The following KIF9 variants were observed in gnomAD, a reference collection of about 807,000 sequenced individuals.
KIF9 encodes kinesin-like protein KIF9.
A neutral mutation model predicts 94.8 loss-of-function variants in KIF9; 68 were observed. That is an observed-to-expected ratio of 0.72 (90% CI 0.59 to 0.88). The LOEUF (loss-of-function observed/expected upper bound fraction) is 0.88. Ranked by LOEUF, KIF9 falls within the 40% of genes least tolerant of loss-of-function variation. The probability of loss-of-function intolerance (pLI) is 0.00; values close to 1 mark genes in which losing one functional copy is unlikely to be tolerated. For synonymous variants in KIF9, 343 were observed against 362.1 expected (o/e 0.95, Z 0.60); for missense variants, 882 against 982.5 (o/e 0.90, Z 1.37).
intron 9 of KIF9, among the ~76,000 whole-genome samples, chr3:47,262,542 G>A (rs923702700): frequency 6.6e-6 from 1 of 152,200 alleles, no homozygotes; most frequent in South Asian, 2.1e-4. Flanking sequence ...CAAAGTGCTC[G>A]GATTACAGGC....
intron 17 of KIF9, 69 bp downstream of exon 17, chr3:47,240,732 G>C: frequency 1.5e-6 from 2 of 1,329,206 alleles, no homozygotes; most frequent in Non-Finnish European, 2.2e-6. Context: ...AGTGCCAAGG[G>C]CTGTTCTGCT....
intron 9 of KIF9, among the ~76,000 whole-genome samples, chr3:47,262,415 G>A (rs182421374): frequency 1.6e-4 from 25 of 151,626 alleles, no homozygotes; most frequent in Admixed American, 3.3e-4. Context: ...GATTACAGGC[G>A]CCCGCCACCA....
intron 1 of KIF9, among the ~76,000 whole-genome samples, chr3:47,281,417 G>T (rs1702340603): frequency 6.6e-6 from 1 of 152,040 alleles, no homozygotes; most frequent in Non-Finnish European, 1.5e-5. Flanking sequence ...AAACAATCTC[G>T]GTTCACCGTA....
chr3:47,236,276 C>A, intron 18 of KIF9, 127 bp from the exon 19 acceptor site: 1 of 991,918 alleles, frequency 1.0e-6, no homozygotes, highest in South Asian at 1.5e-5. Context: ...CTGTCCCCAT[C>A]TCCATCTCTG....
At chr3:47,265,476 G>A (rs1487372294) in intron 8 of KIF9, among the ~76,000 whole-genome samples, 1 of 152,202 alleles carries the variant, frequency 6.6e-6, no homozygotes, top group Non-Finnish European at 1.5e-5. Flanking sequence ...CTCAGGACAA[G>A]AGGAAAAGAG....
Position 47,236,164 on chromosome 3 carries a change from G to A in KIF9, c.2102-15C>T. 1.9e-6 allele frequency: 3 copies of A among 1,591,138 alleles called. No homozygotes were observed. The highest frequency in any genetic ancestry group is 1.7e-6 in the Non-Finnish European group (2 of 1,159,144). ...GATGTCAAATTCTACAAGGAGGTGA[G>A]GAGACAGAACTTGAGGAAGCCGGTA... On this transcript the variant is annotated splice_polypyrimidine_tract_variant and intron_variant, in intron 18 of 20. Coordinates refer to ENST00000684063, the MANE Select transcript of KIF9 (RefSeq NM_182902.4).
intron 10 of KIF9, among the ~76,000 whole-genome samples, chr3:47,253,104 C>G (rs1251568592): frequency 6.6e-6 from 1 of 152,098 alleles, no homozygotes; most frequent in Non-Finnish European, 1.5e-5. Flanking sequence ...GGGCAAACCG[C>G]CCCAAAATGT....
intron 4 of KIF9, 60 bp downstream of exon 4, chr3:47,273,492 A>T: frequency 7.4e-7 from 1 of 1,344,228 alleles, no homozygotes; most frequent in Non-Finnish European, 1.0e-6. Flanking sequence ...CAGGGTCAGT[A>T]ACATCTATGG....
intron 20 of KIF9, 99 bp downstream of exon 20, chr3:47,235,414 T>C (rs1698944636): frequency 1.2e-6 from 1 of 834,754 alleles, no homozygotes; most frequent in Non-Finnish European, 2.0e-6. Context: ...CTTGGAATGG[T>C]GCCATTCCTC....
chr3:47,280,297 A>T (rs1469410149), intron 1 of KIF9, among the ~76,000 whole-genome samples: 1 of 152,178 alleles, frequency 6.6e-6, no homozygotes, highest in Non-Finnish European at 1.5e-5. Context: ...GGAAATTCAG[A>T]TGCCATCCAG....
chr3:47,267,864 G>T (rs1185984632), intron 5 of KIF9, among the ~76,000 whole-genome samples: 2 of 142,148 alleles, frequency 1.4e-5, no homozygotes, highest in Admixed American at 6.9e-5. Context: ...TATTTATTTT[G>T]TGTTCTCCTT....
intron 8 of KIF9, among the ~76,000 whole-genome samples, chr3:47,265,254 T>C (rs1701218740): frequency 6.6e-6 from 1 of 152,050 alleles, no homozygotes; most frequent in Non-Finnish European, 1.5e-5. Flanking sequence ...GAGGGAGGTA[T>C]GAGTTGGAGC....
intron 1 of KIF9, among the ~76,000 whole-genome samples, chr3:47,279,224 G>C (rs1702168755): frequency 6.7e-6 from 1 of 148,326 alleles, no homozygotes; most frequent in South Asian, 2.1e-4. Flanking sequence ...TGTAATCCCA[G>C]CACTTTGGGA....
intron 2 of KIF9, among the ~76,000 whole-genome samples, 189 bp from the exon 3 acceptor site, chr3:47,275,679 G>T (rs1353285198): frequency 1.3e-5 from 2 of 152,316 alleles, no homozygotes; most frequent in Non-Finnish European, 2.9e-5. Context: ...TTCCTGCAGG[G>T]AGATGGAAAG....
rs2107232817 is a variant in KIF9, at chr3:47,246,400, G to A, written c.1234-148C>T. 6.4e-6 allele frequency: 3 copies of A among 465,402 alleles called. No individual in the cohort carries two copies. In the South Asian group the frequency reaches 1.8e-4, roughly 27 times the overall value. The allele number at this position is 465,402 out of a possible 1,614,324, so 28.8% of individuals were successfully genotyped here. A position where few individuals can be genotyped will look rare whatever the true frequency, so the allele number is the denominator to read the frequency against. On this transcript the variant is annotated intron_variant, in intron 12 of 20. Transcript: ENST00000684063. ...GGACGTGTGCACACAGCCTCTCAGC[G>A]AAGTGGCAGCCAAGCCCTCCTCCAG...
chr3:47,276,697 G>T (rs1043873721), intron 2 of KIF9, among the ~76,000 whole-genome samples: 1 of 152,122 alleles, frequency 6.6e-6, no homozygotes, highest in Non-Finnish European at 1.5e-5. Context: ...TTTTCTGACC[G>T]CTAGGACCTG....
At chr3:47,247,900 C>T in intron 11 of KIF9, 118 bp downstream of exon 11, 1 of 808,962 alleles carries the variant, frequency 1.2e-6, no homozygotes, top group Non-Finnish European at 2.1e-6. Context: ...TGAGCCTGCC[C>T]CCCAACCCCG....
At chr3:47,273,882 C>A (rs1265436885) in intron 3 of KIF9, among the ~76,000 whole-genome samples, 1 of 152,222 alleles carries the variant, frequency 6.6e-6, no homozygotes, top group African/African-American at 2.4e-5. Flanking sequence ...GTGGTCCCCA[C>A]AATGCTCTGC....
intron 9 of KIF9, among the ~76,000 whole-genome samples, chr3:47,260,471 C>T (rs1462717638): frequency 6.6e-6 from 1 of 152,154 alleles, no homozygotes; most frequent in Non-Finnish European, 1.5e-5. Flanking sequence ...GAGAAACACC[C>T]ACAGGTGTGT....
Sources: allele counts gnomAD v4.1 joint callset (sites outside exome capture counted in the v4.1 genomes callset), GRCh38; gene constraint gnomAD v4.1.1; transcripts MANE v1.5; gene names NCBI Gene and HGNC (gene_info 2026-07-23, HGNC 2026-07-21).